Variants in CLIC5 observed in about 807,000 individuals in gnomAD.
The protein encoded by CLIC5 is chloride intracellular channel protein 5.
A neutral mutation model predicts 24.7 loss-of-function variants in CLIC5; 20 were observed. That is an observed-to-expected ratio of 0.81 (90% CI 0.57 to 1.18). The LOEUF (loss-of-function observed/expected upper bound fraction) is 1.18, where lower values mean the gene tolerates loss of function less well. Among genes scored for constraint, CLIC5 ranks in the 50% most tolerant of loss-of-function variants. CLIC5 has a pLI of 0.00. For synonymous variants in CLIC5, 159 were observed against 135.6 expected, an observed-to-expected ratio of 1.17 and a Z score of -1.20; for missense variants, 341 against 326.1, an observed-to-expected ratio of 1.05 and a Z score of -0.35.
At chr6:46,116,279 C>T in the CLIC5 span, among the ~76,000 whole-genome samples, 113 of 152,204 alleles carry the variant, frequency 7.4e-4, no homozygotes, top group Middle Eastern at 3.4e-3. Flanking sequence ...GTGCCTTGAT[C>T]GGTTAATTCC....
the CLIC5 span, among the ~76,000 whole-genome samples, chr6:46,126,805 G>A: frequency 7.2e-5 from 11 of 152,274 alleles, no homozygotes; most frequent in African/African-American, 1.7e-4. Context: ...TTTGGGAAGC[G>A]TGTGGCTTTT....
Position 45,903,155 on chromosome 6 carries a change from G to T in CLIC5, c.689C>A (p.Thr230Asn), listed in dbSNP as rs1009027669. The change falls in exon 6 of 6, where the codon ACC becomes AAC. Residue 230 changes from threonine (T) to asparagine (N), a missense_variant. Thr to Asn is a moderately conservative substitution (Grantham distance 65). Coordinates refer to ENST00000339561, the MANE Select transcript of CLIC5 (RefSeq NM_016929.5). Reference protein sequence around the residue: ...NAYARDEFTNTCAADSEIELA... With the variant: ...NAYARDEFTNNCAADSEIELA... ...CTCGATCTCACTGTCAGCTGCACAG[G>T]TGTTGGTGAACTCATCACGGGCATA... 1 of 1,614,052 alleles carries T rather than the reference G, an allele frequency of 6.2e-7. No homozygotes were observed. Among genetic ancestry groups the T allele is most frequent in the African/African-American group, 1.3e-5 (1 of 74,920 alleles).
intron 1 of CLIC5, among the ~76,000 whole-genome samples, chr6:46,041,038 T>G (rs1767793917): frequency 6.6e-6 from 1 of 152,088 alleles, no homozygotes; most frequent in South Asian, 2.1e-4. Context: ...GCCTCAGCAA[T>G]AGGGAAATGA....
chr6:46,032,696 A>C (rs1445466545), intron 1 of CLIC5, among the ~76,000 whole-genome samples: 1 of 152,172 alleles, frequency 6.6e-6, no homozygotes, highest in Admixed American at 6.5e-5. Context: ...CTTTTCATTC[A>C]TTCCATAAAC....
At chr6:46,058,970 T>C (rs1768340459) in intron 1 of CLIC5, among the ~76,000 whole-genome samples, 1 of 152,166 alleles carries the variant, frequency 6.6e-6, no homozygotes, top group South Asian at 2.1e-4. Flanking sequence ...CCTAGTACCA[T>C]AGATGCCAAC....
At chr6:45,903,983 G>C (rs983491082) in intron 5 of CLIC5, among the ~76,000 whole-genome samples, 1 of 152,160 alleles carries the variant, frequency 6.6e-6, no homozygotes, top group Admixed American at 6.5e-5. Flanking sequence ...ACTGATTTCT[G>C]TTCTCGCCCT....
intron 3 of CLIC5, among the ~76,000 whole-genome samples, chr6:45,942,088 G>A (rs1764152153): frequency 6.6e-6 from 1 of 152,124 alleles, no homozygotes; most frequent in Non-Finnish European, 1.5e-5. Context: ...TAGCTACACA[G>A]AGCTAATTCT....
At chr6:45,957,071 G>A (rs1252433150) in intron 1 of CLIC5, among the ~76,000 whole-genome samples, 1 of 152,116 alleles carries the variant, frequency 6.6e-6, no homozygotes, top group Admixed American at 6.5e-5. Flanking sequence ...CCCAGGGCCA[G>A]TTATGGTGGA....
chr6:46,030,035 C>T (rs1767453935), intron 1 of CLIC5, among the ~76,000 whole-genome samples: 1 of 152,078 alleles, frequency 6.6e-6, no homozygotes, highest in African/African-American at 2.4e-5. Flanking sequence ...CCTTGAAATC[C>T]AGTCCCCTCC....
Position 45,917,156 on chromosome 6 carries a change from T to C in CLIC5, c.407-2747A>G, listed in dbSNP as rs1303370839. On this transcript the variant is annotated intron_variant, in intron 4 of 5. Coordinates refer to ENST00000339561, the MANE Select transcript of CLIC5 (RefSeq NM_016929.5). Reference sequence around the variant, plus strand: ...GCTTCATAAATCCCACAAATGTCGTTGATCCTGGCACTTACATGTGACCTT... The same window carrying C: ...GCTTCATAAATCCCACAAATGTCGTCGATCCTGGCACTTACATGTGACCTT... 2.6e-5 allele frequency among the ~76,000 whole-genome samples: 4 copies of C among 152,326 alleles called. No individual in the cohort carries two copies. In the East Asian group the frequency reaches 5.8e-4, roughly 22 times the overall value.
chr6:45,914,204 C>A, intron 5 of CLIC5, 24 bp downstream of exon 5: 2 of 1,514,488 alleles, frequency 1.3e-6, no homozygotes, highest in East Asian at 4.7e-5. Flanking sequence ...ATCTTGCAGG[C>A]CCCTGTGGGT....
chr6:46,127,750 A>T, the CLIC5 span, among the ~76,000 whole-genome samples: 1 of 152,224 alleles, frequency 6.6e-6, no homozygotes, highest in Non-Finnish European at 1.5e-5. Context: ...GTCTACAGGT[A>T]ACCATATCCT....
intron 4 of CLIC5, among the ~76,000 whole-genome samples, chr6:45,935,055 T>C (rs1358962683): frequency 1.3e-5 from 2 of 152,224 alleles, no homozygotes; most frequent in African/African-American, 2.4e-5. Flanking sequence ...GCCTAGATTA[T>C]GATAAGTAAC....
At chr6:46,059,069 C>T (rs1214723324) in intron 1 of CLIC5, among the ~76,000 whole-genome samples, 1 of 152,178 alleles carries the variant, frequency 6.6e-6, no homozygotes, top group Non-Finnish European at 1.5e-5. Flanking sequence ...AGTACTTAAG[C>T]TTGGTTGGTG....
chr6:45,984,927 C>A (rs1338821896), intron 1 of CLIC5, among the ~76,000 whole-genome samples: 3 of 152,206 alleles, frequency 2.0e-5, no homozygotes, highest in East Asian at 3.8e-4. Flanking sequence ...AGGTCGGTAA[C>A]TGCCATCCTT....
chr6:45,964,035 T>C (rs1455338276), intron 1 of CLIC5, among the ~76,000 whole-genome samples: 2 of 152,210 alleles, frequency 1.3e-5, no homozygotes, highest in East Asian at 3.8e-4. Context: ...TCCAAGTGAT[T>C]CCACCAATCT....
At chr6:46,006,929 C>G (rs1204514421) in intron 1 of CLIC5, among the ~76,000 whole-genome samples, 1 of 152,158 alleles carries the variant, frequency 6.6e-6, no homozygotes, top group African/African-American at 2.4e-5. Context: ...GCCTCGGCCT[C>G]CCAAAGTGCT....
chr6:46,013,948 GC>G (rs1269151901), intron 1 of CLIC5, among the ~76,000 whole-genome samples: 3 of 152,056 alleles, frequency 2.0e-5, no homozygotes, highest in Non-Finnish European at 4.4e-5. Context: ...CCCCCTTGCT[GC>G]CCTAAGGTCC....
the CLIC5 span, among the ~76,000 whole-genome samples, chr6:46,104,422 C>A: frequency 6.6e-6 from 1 of 152,008 alleles, no homozygotes; most frequent in Non-Finnish European, 1.5e-5. Flanking sequence ...AGTTCTCAGG[C>A]GAGTTTGTCT....
Sources: allele counts gnomAD v4.1 joint callset (sites outside exome capture counted in the v4.1 genomes callset), GRCh38; gene constraint gnomAD v4.1.1; transcripts MANE v1.5; gene names NCBI Gene and HGNC (gene_info 2026-07-23, HGNC 2026-07-21).